TTC6: variants seen among roughly 807,000 people sequenced by gnomAD.
TTC6 encodes tetratricopeptide repeat protein 6.
Under a neutral mutation model 210.4 loss-of-function variants are expected in TTC6, and 172 were observed. That is an observed-to-expected ratio of 0.82 (90% confidence interval 0.72 to 0.93). The LOEUF (loss-of-function observed/expected upper bound fraction) is 0.93. Ranked by LOEUF, TTC6 falls within the 40% of genes least tolerant of loss-of-function variation. The pLI is 0.00. For missense variants in TTC6, 2,414 were observed against 2,318.1 expected (o/e 1.04, Z -0.85); for synonymous variants, 804 against 819.6 (o/e 0.98, Z 0.32).
chr14:37,612,626 A>T (rs930364460), intron 2 of TTC6, among the ~76,000 whole-genome samples: 1 of 152,218 alleles, frequency 6.6e-6, no homozygotes, highest in African/African-American at 2.4e-5. Flanking sequence ...ATCTATGGAC[A>T]TGATATGTCT....
intron 1 of TTC6, among the ~76,000 whole-genome samples, chr14:37,603,149 G>A (rs1165240340): frequency 1.3e-5 from 2 of 152,182 alleles, no homozygotes; most frequent in African/African-American, 2.4e-5. Context: ...TGGAGATGCG[G>A]ACCTGGCGTT....
intron 29 of TTC6, among the ~76,000 whole-genome samples, chr14:37,840,539 CA>C (rs375704511): frequency 6.9e-5 from 10 of 145,768 alleles, no homozygotes; most frequent in South Asian, 2.2e-4. Context: ...CACAACAAAA[CA>C]AAAAAAAAAG....
chr14:37,687,224 T>C (rs982951438), intron 3 of TTC6, among the ~76,000 whole-genome samples: 4 of 152,080 alleles, frequency 2.6e-5, no homozygotes, highest in Non-Finnish European at 5.9e-5. Flanking sequence ...TGTCTTGTTA[T>C]AGCAGAAACC....
chr14:37,778,518 G>T (rs956110216), intron 14 of TTC6, among the ~76,000 whole-genome samples: 1 of 152,148 alleles, frequency 6.6e-6, no homozygotes, highest in African/African-American at 2.4e-5. Flanking sequence ...ATGCAATTGC[G>T]CATCATTGAG....
intron 1 of TTC6, among the ~76,000 whole-genome samples, chr14:37,669,752 C>T (rs2095754844): frequency 6.6e-6 from 1 of 152,114 alleles, no homozygotes; most frequent in Admixed American, 6.5e-5. Context: ...TCATCCTTCA[C>T]ATCACCTCAT....
chr14:37,738,583 T>C (rs2095908404), intron 9 of TTC6, among the ~76,000 whole-genome samples, 193 bp from the exon 12 acceptor site: 1 of 152,218 alleles, frequency 6.6e-6, no homozygotes, highest in Non-Finnish European at 1.5e-5. Context: ...CAAATTATTG[T>C]ACTTTGCTTG....
chr14:37,605,608 G>T (rs2095623714), intron 1 of TTC6, among the ~76,000 whole-genome samples: 2 of 152,098 alleles, frequency 1.3e-5, no homozygotes, highest in South Asian at 4.1e-4. Flanking sequence ...GGTTCTCTAA[G>T]CTCAATGTTT....
chr14:37,735,198 A>G (rs976111194), intron 7 of TTC6, among the ~76,000 whole-genome samples: 3 of 152,192 alleles, frequency 2.0e-5, no homozygotes, highest in African/African-American at 7.2e-5. Flanking sequence ...TAATAATTAC[A>G]TAATATTTTT....
At chr14:37,652,834 C>T (rs2095715461) in intron 1 of TTC6, among the ~76,000 whole-genome samples, 1 of 152,202 alleles carries the variant, frequency 6.6e-6, no homozygotes, top group South Asian at 2.1e-4. Context: ...ACTTTCCTAG[C>T]TTCCCAACAT....
intron 7 of TTC6, among the ~76,000 whole-genome samples, chr14:37,729,893 C>G (rs184046893): frequency 6.6e-6 from 1 of 152,020 alleles, no homozygotes; most frequent in Admixed American, 6.6e-5. Context: ...TGAAGGTAGG[C>G]AAAATTGTTT....
chr14:37,694,505 G>A (rs979449320), intron 3 of TTC6, among the ~76,000 whole-genome samples: 17 of 152,072 alleles, frequency 1.1e-4, no homozygotes, highest in African/African-American at 3.9e-4. Flanking sequence ...CCACTATGGC[G>A]AACAGGTTGG....
chr14:37,729,811 A>G (rs766476529), intron 7 of TTC6, among the ~76,000 whole-genome samples: 3 of 152,162 alleles, frequency 2.0e-5, no homozygotes, highest in Non-Finnish European at 2.9e-5. Context: ...TTTTTAAACT[A>G]TATGTTTGTT....
intron 27 of TTC6, among the ~76,000 whole-genome samples, chr14:37,824,815 C>G (rs925358264): frequency 6.6e-6 from 1 of 152,022 alleles, no homozygotes; most frequent in Non-Finnish European, 1.5e-5. Context: ...TAAAGTGGAA[C>G]CAGCCCATCA....
rs377117749 is a variant in TTC6 at position 37,672,821 on chromosome 14, A to ATTTT, written c.940-7314_940-7311dup. On this transcript the variant is annotated intron_variant, in intron 1 of 30. Transcript: ENST00000553443. ...TAAGCAAGCTTTTCATGAATTCCTC[A>ATTTT]TTTTTTTTTTTTTTTTTTTACTAAA... Among the ~76,000 whole-genome samples the ATTTT allele has an allele frequency of 2.4e-3, 307 of 128,980 alleles. 8 individuals carry two copies. Among genetic ancestry groups the ATTTT allele is most frequent in the African/African-American group, 8.7e-3 (282 of 32,462 alleles). 84.6% of individuals were successfully genotyped at this position (128,980 alleles called of 152,430 possible).
intron 1 of TTC6, among the ~76,000 whole-genome samples, chr14:37,640,455 G>A (rs879399361): frequency 7.2e-5 from 11 of 152,166 alleles, no homozygotes; most frequent in Admixed American, 7.2e-4. Flanking sequence ...GATATTTAGG[G>A]TAAAAGCATC....
At chr14:37,833,218 C>A (rs763209241) in intron 29 of TTC6, among the ~76,000 whole-genome samples, 6 of 152,056 alleles carry the variant, frequency 3.9e-5, no homozygotes, top group Non-Finnish European at 7.4e-5. Context: ...TTGAAGTCCC[C>A]AAATATTGTT....
intron 1 of TTC6, among the ~76,000 whole-genome samples, chr14:37,654,410 A>G (rs995477636): frequency 1.3e-5 from 2 of 152,096 alleles, no homozygotes; most frequent in East Asian, 1.9e-4. Context: ...AAAAGTATGT[A>G]GCACCCACCC....
chr14:37,694,987 A>G (rs566117466), intron 3 of TTC6, among the ~76,000 whole-genome samples: 1 of 142,600 alleles, frequency 7.0e-6, no homozygotes, highest in Non-Finnish European at 1.5e-5. Flanking sequence ...GCTGCAGTGC[A>G]TTGTGATCAT....
chr14:37,687,228 A>G (rs1220321045), intron 3 of TTC6, among the ~76,000 whole-genome samples: 2 of 152,134 alleles, frequency 1.3e-5, no homozygotes, highest in Non-Finnish European at 2.9e-5. Context: ...TTGTTATAGC[A>G]GAAACCAAAA....
Sources: allele counts gnomAD v4.1 joint callset (sites outside exome capture counted in the v4.1 genomes callset), GRCh38; gene constraint gnomAD v4.1.1; transcripts MANE v1.5; gene names NCBI Gene and HGNC (gene_info 2026-07-23, HGNC 2026-07-21).